PLEKHG4B: variants seen among roughly 807,000 people sequenced by gnomAD.
PLEKHG4B encodes the protein pleckstrin homology and RhoGEF domain containing G4B.
Under a neutral mutation model 121.3 loss-of-function variants are expected in PLEKHG4B, and 111 were observed. The ratio of observed to expected loss-of-function variants is 0.92; its 90% CI spans 0.78 to 1.07. The LOEUF is 1.07. PLEKHG4B is among the 50% of genes least tolerant of loss of function. The pLI is 0.00. For missense variants in PLEKHG4B, 1,831 were observed against 1,757.8 expected, an observed-to-expected ratio of 1.04 and a Z score of -0.74; for synonymous variants, 738 against 725.0, an observed-to-expected ratio of 1.02 and a Z score of -0.29.
intron 2 of PLEKHG4B, among the ~76,000 whole-genome samples, chr5:135,672 AAAAAAAAAAAATATATATATAT>A (rs1734940511): frequency 1.7e-5 from 1 of 58,126 alleles, no homozygotes; most frequent in Non-Finnish European, 3.2e-5. Context: ...TCTCAAAAAA[AAAAAAAAAAAATATATATATAT>A]ATATATATAT....
chr5:112,155 AC>A (rs2126355547), intron 1 of PLEKHG4B, among the ~76,000 whole-genome samples: 1 of 152,270 alleles, frequency 6.6e-6, no homozygotes, highest in Admixed American at 6.5e-5. Context: ...AAGGGAGCTG[AC>A]CCATGGGGTG....
chr5:182,538 C>A lies in PLEKHG4B; in HGVS notation c.*215C>A, dbSNP rs965315097. 43 of 568,846 alleles carry A rather than the reference C, an allele frequency of 7.6e-5. No homozygotes were observed. Among genetic ancestry groups the A allele is most frequent in the Middle Eastern group, 9.3e-4 (2 of 2,144 alleles). 35.2% of individuals were successfully genotyped at this position (568,846 alleles called of 1,614,324 possible). ...AATTTTGTCTTATTTAAAAAACAAACCTTCCACTTCCACCCAAGACAACAG... is the reference window on the plus strand; with the variant it reads ...AATTTTGTCTTATTTAAAAAACAAAACTTCCACTTCCACCCAAGACAACAG... On this transcript the variant is annotated 3_prime_UTR_variant, in exon 20 of 20. Coordinates refer to ENST00000637938, the MANE Select transcript of PLEKHG4B (RefSeq NM_052909.5).
Position 140,441 on chromosome 5 carries a change from C to T in PLEKHG4B, c.1202C>T (p.Thr401Ile). 1.9e-6 allele frequency: 3 copies of T among 1,573,538 alleles called. No individual in the cohort carries two copies. The highest frequency in any genetic ancestry group is 1.2e-5 in the South Asian group (1 of 85,876). Residue 401 changes from threonine to isoleucine, a missense_variant, in exon 3 of 20, where the codon ACC (threonine) becomes ATC (isoleucine). Thr to Ile is a moderately conservative substitution (Grantham distance 89). Coordinates refer to ENST00000637938, the MANE Select transcript of PLEKHG4B (RefSeq NM_052909.5). ...GTAGCCAGTGGGACCCAGGAGGAAA[C>T]CTCTGGCCCCCGGGGAGACCCCCAA... ...GAVASGTQEE[T>I]SGPRGDPQQT... is the part of the protein sequence containing the mutation.
At chr5:150,946 C>T (rs767619834) in intron 6 of PLEKHG4B, among the ~76,000 whole-genome samples, 13 of 152,344 alleles carry the variant, frequency 8.5e-5, no homozygotes, top group Non-Finnish European at 1.6e-4. Flanking sequence ...AGTTATCCTT[C>T]AGCTGGTGAA....
chr5:140,384 C>T lies in PLEKHG4B; in HGVS notation c.1145C>T (p.Thr382Ile). 6.4e-7 allele frequency: 1 copy of T among 1,552,352 alleles called. No individual in the cohort carries two copies. The change falls in exon 3 of 20, where the codon ACT becomes ATT. Residue 382 changes from threonine to isoleucine, a missense_variant. By Grantham distance (89) the Thr-to-Ile change is moderately conservative (BLOSUM62 -1). Transcript: ENST00000637938. ...ALGDLACSSL[T>I]GASRDLGTGA... ...GGGGACCTGGCCTGCAGCTCCCTGA[C>T]TGGAGCCAGCAGGGACCTGGGGACT... is the stretch of plus-strand genomic sequence containing the variant.
intron 7 of PLEKHG4B, among the ~76,000 whole-genome samples, chr5:153,550 C>T (rs1288104544): frequency 3.9e-5 from 6 of 152,198 alleles, no homozygotes; most frequent in Non-Finnish European, 7.3e-5. Flanking sequence ...ACACATACCG[C>T]GGGGCTTCTT....
At position 162,643 on chromosome 5, in the gene PLEKHG4B, T is replaced by C. The variant is rs544870264; in HGVS notation, c.2650-79T>C. On this transcript the variant is annotated intron_variant, in intron 12 of 19. Transcript: ENST00000637938. Reference sequence around the variant, plus strand: ...CCCCTGGTCCCTGAATAGGCTGACCTGGGGAACAGCAGGGCCTGAGCTGGC... The same window carrying C: ...CCCCTGGTCCCTGAATAGGCTGACCCGGGGAACAGCAGGGCCTGAGCTGGC... 186 of 1,093,128 alleles carry C rather than the reference T, an allele frequency of 1.7e-4. No homozygotes were observed. In the African/African-American group the frequency reaches 2.5e-3, roughly 15 times the overall value. 67.7% of individuals were successfully genotyped at this position (1,093,128 alleles called of 1,614,324 possible). A position where few individuals can be genotyped will look rare whatever the true frequency, so the allele number is the denominator to read the frequency against.
intron 6 of PLEKHG4B, among the ~76,000 whole-genome samples, chr5:145,436 C>T (rs1579286676): frequency 6.6e-6 from 1 of 152,352 alleles, no homozygotes; most frequent in East Asian, 1.9e-4. Flanking sequence ...CCACAGGTCC[C>T]TGCAGCCTCG....
chr5:174,016 CCAAG>C lies in PLEKHG4B; in HGVS notation c.4326_4329del (p.Ser1443ArgfsTer12), dbSNP rs770048740. 1 of 1,609,456 alleles carries C rather than the reference CCAAG, an allele frequency of 6.2e-7. No homozygotes were observed. The highest frequency in any genetic ancestry group is 8.5e-7 in the Non-Finnish European group (1 of 1,178,352). ...GGAAATCTCAGGACACCTACATTCT[CCAAG>C]CAAGCTCGGCAGAGGTCAAGAGTGC... On this transcript the variant is annotated frameshift_variant, in exon 18 of 20. Coordinates refer to ENST00000637938, the MANE Select transcript of PLEKHG4B (RefSeq NM_052909.5). LOFTEE classifies it high-confidence loss of function.
rs767435235 is a variant in PLEKHG4B, at chr5:182,279, G to A, written c.4840G>A (p.Glu1614Lys). ...GACGGGCACCCAGGCTGCAGTGTGT[G>A]AGGGGGCTCCTGCTGTGCTGCTGAG... ...LETGTQAAVC[E>K]GAPAVLLSRT... is the part of the protein sequence containing the mutation. Residue 1614 changes from glutamate (E) to lysine (K), a missense_variant, in exon 20 of 20, where the codon GAG (glutamate) becomes AAG (lysine). Physicochemically the swap from Glu to Lys is moderately conservative, Grantham distance 56. Transcript: ENST00000637938. 1 of 1,612,586 alleles carries A rather than the reference G, an allele frequency of 6.2e-7. No individual in the cohort carries two copies. Among genetic ancestry groups the A allele is most frequent in the East Asian group, 2.2e-5 (1 of 44,862 alleles).
rs1733623642 is a variant in PLEKHG4B at position 186,350 on chromosome 5, C to G, written c.*4027C>G. The G allele has an allele frequency of 1.3e-5, 2 of 152,272 alleles. No individual in the cohort carries two copies. Among genetic ancestry groups the G allele is most frequent in the African/African-American group, 4.8e-5 (2 of 41,466 alleles). The allele number at this position is 152,272 out of a possible 1,614,324, so 9.4% of individuals were successfully genotyped here. A position where few individuals can be genotyped will look rare whatever the true frequency, so the allele number is the denominator to read the frequency against. ...TTCTGTCTGAATCAGGCCTCATGGG[C>G]TTCACCAGCAGACACGAAGGTTTCA... On this transcript the variant is annotated 3_prime_UTR_variant, in exon 20 of 20. Transcript: ENST00000637938.
chr5:134,058 AATATATATATATGATAGAATAT>A (rs1207052256), intron 2 of PLEKHG4B, among the ~76,000 whole-genome samples: 145 of 124,878 alleles, frequency 1.2e-3, no homozygotes, highest in Middle Eastern at 4.0e-3. Flanking sequence ...TATATGATAG[AATATATATATATGATAGAATAT>A]ATATATATAT....
At chr5:146,294 G>A (rs1414124554) in intron 6 of PLEKHG4B, among the ~76,000 whole-genome samples, 2 of 71,722 alleles carry the variant, frequency 2.8e-5, no homozygotes, top group Non-Finnish European at 5.1e-5. Context: ...CCCACACCCT[G>A]TGACCCTCCC....
rs770360908 is a variant in PLEKHG4B, at chr5:166,806, A to T, written c.3477-2534A>T. 3.9e-5 allele frequency among the ~76,000 whole-genome samples: 6 copies of T among 152,280 alleles called. No individual in the cohort carries two copies. The South Asian group carries it at 1.0e-3, about 26-fold the overall frequency. On this transcript the variant is annotated intron_variant, in intron 13 of 19. Coordinates refer to ENST00000637938, the MANE Select transcript of PLEKHG4B (RefSeq NM_052909.5). ...GCCCAAGAACACTCTTCTGAAACAC[A>T]CCTTTAGGTTGCCAGACTCAGTGTT...
intron 2 of PLEKHG4B, among the ~76,000 whole-genome samples, chr5:136,700 A>G (rs2126391924): frequency 6.6e-6 from 1 of 152,354 alleles, no homozygotes; most frequent in East Asian, 1.9e-4. Flanking sequence ...ATTAAAGGAA[A>G]AACACCACTG....
rs538254614 is a variant in PLEKHG4B at position 134,777 on chromosome 5, A to AAAAGAAAAG, written c.244-4703_244-4702insGAAAAGAAA. Among the ~76,000 whole-genome samples the AAAAGAAAAG allele has an allele frequency of 4.7e-5, 7 of 147,378 alleles. No homozygotes were observed. In the South Asian group the frequency reaches 1.5e-3, roughly 31 times the overall value. On this transcript the variant is annotated intron_variant, in intron 2 of 19. Transcript: ENST00000637938. ...TGAGACTCTGTCTCAAAAAAAAAAAAAAAAGAAAAGAAAAGTAAAACCTGT... is the reference window on the plus strand; with the variant it reads ...TGAGACTCTGTCTCAAAAAAAAAAAAAAAGAAAAGAAAAGAAAAGAAAAGTAAAACCTGT...
intron 1 of PLEKHG4B, among the ~76,000 whole-genome samples, chr5:92,598 C>G (rs1208090962): frequency 1.3e-5 from 2 of 151,178 alleles, no homozygotes; most frequent in Non-Finnish European, 3.0e-5. Context: ...GGTCCTGGGA[C>G]CTGCCGGCGG....
At chr5:175,442 C>T (rs1736731135) in intron 18 of PLEKHG4B, among the ~76,000 whole-genome samples, 1 of 152,138 alleles carries the variant, frequency 6.6e-6, no homozygotes, top group African/African-American at 2.4e-5. Flanking sequence ...AGCTCCAACT[C>T]CAGGTCCTGC....
chr5:171,345 G>A lies in PLEKHG4B; in HGVS notation c.3951G>A (p.Gly1317=). ...LKEASCGLAQ[G]QELGELRAAE... ...AGGCCAGCTGTGGCCTGGCCCAGGG[G>A]CAGGAGCTGGGCGAGCTCCGAGCCG... The change falls in exon 16 of 20, where the codon GGG becomes GGA. Residue 1317 remains glycine, a synonymous_variant. Coordinates refer to ENST00000637938, the MANE Select transcript of PLEKHG4B (RefSeq NM_052909.5). 6.2e-7 allele frequency: 1 copy of A among 1,612,384 alleles called. No homozygotes were observed. Among genetic ancestry groups the A allele is most frequent in the South Asian group, 1.1e-5 (1 of 91,052 alleles).
Sources: gnomAD v4.1 joint callset for allele counts (sites outside exome capture counted in the v4.1 genomes callset) on GRCh38, gnomAD v4.1.1 for gene constraint, MANE v1.5 for transcripts, NCBI Gene and HGNC (gene_info 2026-07-23, HGNC 2026-07-21) for gene names.